The following NBEAL1 variants were observed in gnomAD, a reference collection of about 807,000 sequenced individuals.
The protein encoded by NBEAL1 is neurobeachin-like protein 1.
NBEAL1 carries 273 observed loss-of-function variants against 351.3 expected under a neutral mutation model. The ratio of observed to expected loss-of-function variants is 0.78; its 90% confidence interval spans 0.70 to 0.86. The LOEUF (loss-of-function observed/expected upper bound fraction) is 0.86. Ranked by LOEUF, NBEAL1 falls within the 40% of genes least tolerant of loss-of-function variation. The probability of loss-of-function intolerance (pLI) is 0.00; values close to 1 mark genes in which losing one functional copy is unlikely to be tolerated. For synonymous variants in NBEAL1, 1,050 were observed against 1,086.4 expected, an observed-to-expected ratio of 0.97 and a Z score of 0.66; for missense variants, 2,961 against 3,201.3, an observed-to-expected ratio of 0.92 and a Z score of 1.81.
chr2:203,057,831 T>C (rs1480629880), intron 6 of NBEAL1, among the ~76,000 whole-genome samples: 1 of 149,438 alleles, frequency 6.7e-6, no homozygotes, highest in Non-Finnish European at 1.5e-5. Flanking sequence ...TTTCTTTTTT[T>C]TTTTTTTGTT....
chr2:203,142,156 GT>G (rs1215961836), intron 31 of NBEAL1, among the ~76,000 whole-genome samples: 2 of 151,962 alleles, frequency 1.3e-5, no homozygotes, highest in African/African-American at 4.8e-5. Context: ...TAGGGCATCA[GT>G]ATTTTTTTTT....
intron 53 of NBEAL1, 106 bp downstream of exon 53, chr2:203,209,428 AG>A (rs2065710757): frequency 1.2e-6 from 1 of 858,194 alleles, no homozygotes; most frequent in Non-Finnish European, 1.8e-6. Flanking sequence ...CATATTTTAA[AG>A]ATGATGTTTT....
rs911362521 is a variant in NBEAL1, at chr2:203,125,474, A to G, written c.2805A>G (p.Thr935=). 1 of 1,542,934 alleles carries G rather than the reference A, an allele frequency of 6.5e-7. No individual in the cohort carries two copies. Among genetic ancestry groups the G allele is most frequent in the Non-Finnish European group, 8.7e-7 (1 of 1,143,482 alleles). ...AAAGCACAGTTCCTGAATCAGTAAC[A>G]CCTGTTGAAGGAGATTGGCTCGTAT... ...KNESTVPESV[T]PVEGDWLVWT... The change falls in exon 20 of 56, where the codon ACA becomes ACG. Residue 935 remains threonine, a synonymous_variant. Coordinates refer to ENST00000683969, the MANE Select transcript of NBEAL1 (RefSeq NM_001378026.1).
chr2:203,125,942 A>G lies in NBEAL1; in HGVS notation c.2852-18A>G. 1 of 1,485,710 alleles carries G rather than the reference A, an allele frequency of 6.7e-7. No homozygotes were observed. The highest frequency in any genetic ancestry group is 8.9e-7 in the Non-Finnish European group (1 of 1,117,658). The allele number at this position is 1,485,710 out of a possible 1,614,324, so 92.0% of individuals were successfully genotyped here. A position where few individuals can be genotyped will look rare whatever the true frequency, so the allele number is the denominator to read the frequency against. On this transcript the variant is annotated intron_variant, in intron 20 of 55. Transcript: ENST00000683969. ...GATTAGAGAAATTATGATAATTAAT[A>G]TGTTCCTGATTCTACAGAGTCAAGA...
intron 41 of NBEAL1, 97 bp from the exon 42 acceptor site, chr2:203,175,050 T>C (rs1005927580): frequency 9.2e-7 from 1 of 1,089,172 alleles, no homozygotes; most frequent in Non-Finnish European, 1.3e-6. Flanking sequence ...AGGATGGACT[T>C]TTTAAAAACT....
At position 203,115,982 on chromosome 2, in the gene NBEAL1, C is replaced by T; in HGVS notation, c.2507-3C>T. On this transcript the variant is annotated splice_polypyrimidine_tract_variant and splice_region_variant and intron_variant, in intron 17 of 55. Coordinates refer to ENST00000683969, the MANE Select transcript of NBEAL1 (RefSeq NM_001378026.1). ...TGTGTATGTGTGTGTAAATAATTTTCAGGTCCAAATTGTTTAAGCCCTTGG... is the reference window on the plus strand; with the variant it reads ...TGTGTATGTGTGTGTAAATAATTTTTAGGTCCAAATTGTTTAAGCCCTTGG... The T allele has an allele frequency of 6.5e-7, 1 of 1,547,976 alleles. No individual in the cohort carries two copies. The highest frequency in any genetic ancestry group is 8.7e-7 in the Non-Finnish European group (1 of 1,143,058).
intron 18 of NBEAL1, among the ~76,000 whole-genome samples, chr2:203,121,315 A>C (rs549837503): frequency 6.7e-4 from 102 of 152,162 alleles, no homozygotes; most frequent in African/African-American, 2.4e-3. Flanking sequence ...TAAAGCAAAA[A>C]ATCTGTTTTC....
chr2:203,048,013 C>G (rs2061257691), intron 3 of NBEAL1, among the ~76,000 whole-genome samples: 1 of 151,996 alleles, frequency 6.6e-6, no homozygotes, highest in Admixed American at 6.6e-5. Flanking sequence ...GACCTCAGGC[C>G]AGAAACAGGT....
chr2:203,173,576 T>A (rs1206253987), intron 41 of NBEAL1, among the ~76,000 whole-genome samples: 36 of 152,102 alleles, frequency 2.4e-4, no homozygotes, highest in Non-Finnish European at 7.4e-5. Flanking sequence ...TCCCTAGGAT[T>A]TTTATAATGT....
At chr2:203,216,319 A>G (rs1477386574) in intron 55 of NBEAL1, among the ~76,000 whole-genome samples, 2 of 152,136 alleles carry the variant, frequency 1.3e-5, no homozygotes, top group Admixed American at 6.5e-5. Context: ...AAGCCTTAAA[A>G]TATTTTAAAA....
intron 10 of NBEAL1, among the ~76,000 whole-genome samples, chr2:203,092,245 T>G (rs2062080489): frequency 6.6e-6 from 1 of 152,148 alleles, no homozygotes; most frequent in African/African-American, 2.4e-5. Context: ...TTTATACATG[T>G]AGCAGCAATG....
At chr2:203,179,876 C>T (rs1180263745) in intron 42 of NBEAL1, among the ~76,000 whole-genome samples, 2 of 152,064 alleles carry the variant, frequency 1.3e-5, no homozygotes, top group Non-Finnish European at 2.9e-5. Flanking sequence ...CGGGCTCAAG[C>T]AGTTCTCCTG....
intron 34 of NBEAL1, among the ~76,000 whole-genome samples, chr2:203,150,450 A>C (rs1178876375): frequency 6.6e-6 from 1 of 151,916 alleles, no homozygotes; most frequent in Non-Finnish European, 1.5e-5. Context: ...ATATATATAT[A>C]TCGAATAATA....
At chr2:203,064,974 G>A (rs933748055) in intron 6 of NBEAL1, among the ~76,000 whole-genome samples, 1 of 152,042 alleles carries the variant, frequency 6.6e-6, no homozygotes, top group African/African-American at 2.4e-5. Context: ...TATATATAAT[G>A]GGGCCCTGCA....
At chr2:203,178,854 C>T (rs2064607418) in intron 42 of NBEAL1, among the ~76,000 whole-genome samples, 1 of 152,220 alleles carries the variant, frequency 6.6e-6, no homozygotes, top group African/African-American at 2.4e-5. Flanking sequence ...GTAAAATTCA[C>T]TGTGATGATA....
intron 2 of NBEAL1, among the ~76,000 whole-genome samples, chr2:203,031,400 A>G (rs2060947500): frequency 6.6e-6 from 1 of 152,202 alleles, no homozygotes; most frequent in South Asian, 2.1e-4. Context: ...CTTTCTTTGT[A>G]TACAATTTCA....
At chr2:203,145,239 C>G in intron 33 of NBEAL1, 79 bp downstream of exon 33, 1 of 1,217,080 alleles carries the variant, frequency 8.2e-7, no homozygotes, top group Non-Finnish European at 1.1e-6. Context: ...AATACAGGCC[C>G]CAAACTTTAA....
At chr2:203,101,998 G>A (rs767478478) in intron 12 of NBEAL1, among the ~76,000 whole-genome samples, 7 of 152,074 alleles carry the variant, frequency 4.6e-5, no homozygotes, top group Non-Finnish European at 1.0e-4. Context: ...GCAGTGTTTC[G>A]TAATTCTTGT....
intron 7 of NBEAL1, among the ~76,000 whole-genome samples, chr2:203,072,710 C>T (rs1349166872): frequency 6.6e-6 from 1 of 152,168 alleles, no homozygotes; most frequent in Admixed American, 6.5e-5. Context: ...CAATAACATG[C>T]TCCTTATTTA....
Sources: gnomAD v4.1 joint callset for allele counts (sites outside exome capture counted in the v4.1 genomes callset) on GRCh38, gnomAD v4.1.1 for gene constraint, MANE v1.5 for transcripts, NCBI Gene and HGNC (gene_info 2026-07-23, HGNC 2026-07-21) for gene names.